DLG2: variants seen among roughly 807,000 people sequenced by gnomAD.
The protein encoded by DLG2 is disks large homolog 2.
Under a neutral mutation model 132.5 loss-of-function variants are expected in DLG2, and 45 were observed. The observed-to-expected ratio is 0.34, with a 90% CI of 0.27 to 0.44. The LOEUF (loss-of-function observed/expected upper bound fraction) is 0.44, where lower values mean the gene tolerates loss of function less well. Among genes scored for constraint, DLG2 ranks in the 20% least tolerant of loss-of-function variants. The probability of loss-of-function intolerance (pLI) is 1.00; values close to 1 mark genes in which losing one functional copy is unlikely to be tolerated. For missense variants in DLG2, 1,045 were observed against 1,196.9 expected (o/e 0.87, Z 1.87); for synonymous variants, 424 against 419.6 (o/e 1.01, Z -0.13).
intron 3 of DLG2, among the ~76,000 whole-genome samples, chr11:85,458,257 C>A (rs2092483618): frequency 6.6e-6 from 1 of 152,044 alleles, no homozygotes; most frequent in African/African-American, 2.4e-5. Context: ...TTATAAAATT[C>A]TTGCAGTATG....
chr11:84,764,729 T>C (rs1287771165), intron 6 of DLG2, among the ~76,000 whole-genome samples: 2 of 152,150 alleles, frequency 1.3e-5, no homozygotes, highest in African/African-American at 4.8e-5. Flanking sequence ...TGGGTATTCA[T>C]TAATTTATTC....
At chr11:85,073,492 A>T (rs1233397960) in intron 6 of DLG2, among the ~76,000 whole-genome samples, 1 of 151,858 alleles carries the variant, frequency 6.6e-6, no homozygotes, top group African/African-American at 2.4e-5. Context: ...AGTTCCTAGT[A>T]ATAAATGGTG....
chr11:84,974,454 C>G (rs571120081), intron 6 of DLG2, among the ~76,000 whole-genome samples: 1 of 152,212 alleles, frequency 6.6e-6, no homozygotes, highest in South Asian at 2.1e-4. Context: ...AATTATAGAG[C>G]CTACCACTGG....
intron 3 of DLG2, among the ~76,000 whole-genome samples, chr11:85,484,178 C>A (rs1199159971): frequency 7.1e-6 from 1 of 140,524 alleles, no homozygotes; most frequent in South Asian, 2.3e-4. Flanking sequence ...AGGATTCAAC[C>A]CGGTGGCGGA....
At chr11:85,302,664 A>AC (rs1401825803) in intron 3 of DLG2, among the ~76,000 whole-genome samples, 56 of 152,028 alleles carry the variant, frequency 3.7e-4, no homozygotes, top group Admixed American at 9.2e-4. Context: ...AAAAAAAAAA[A>AC]ACAGTCAGTT....
In DLG2 at chr11:85,475,012, A is replaced by G. The variant is rs564821869; in HGVS notation, c.40+123645T>C. ...GGTAACAAAGAGTAGAAAATAATAA[A>G]ATTTCTAAAAAGTTACAAAAATTTT... On this transcript the variant is annotated intron_variant, in intron 3 of 27. Transcript: ENST00000376104. 2.0e-3 allele frequency among the ~76,000 whole-genome samples: 307 copies of G among 151,496 alleles called. 2 individuals are homozygous for G. Among genetic ancestry groups the G allele is most frequent in the African/African-American group, 7.0e-3 (292 of 41,548 alleles).
chr11:83,710,306 G>T (rs1022899837), intron 18 of DLG2, among the ~76,000 whole-genome samples: 5 of 152,028 alleles, frequency 3.3e-5, no homozygotes, highest in African/African-American at 1.2e-4. Context: ...TGGACTACAG[G>T]TACCCGCCAC....
At chr11:85,472,830 C>T (rs902811316) in intron 3 of DLG2, among the ~76,000 whole-genome samples, 14 of 152,164 alleles carry the variant, frequency 9.2e-5, no homozygotes, top group Non-Finnish European at 1.5e-4. Context: ...CAGAATCGGG[C>T]GAAGGGACTG....
Position 84,835,218 on chromosome 11 carries a change from T to C in DLG2, c.357+276443A>G, listed in dbSNP as rs539943656. On this transcript the variant is annotated intron_variant, in intron 6 of 27. Transcript: ENST00000376104. ...AAATCCAAGAGGGCAGGGATACTTT[T>C]GTTTTGAAAATTTTTTTAATCTCAG... Among the ~76,000 whole-genome samples the C allele has an allele frequency of 2.8e-4, 42 of 151,806 alleles. 2 individuals carry two copies. In the South Asian group the frequency reaches 8.1e-3, roughly 29 times the overall value.
chr11:85,538,389 G>A (rs186945120), intron 3 of DLG2, among the ~76,000 whole-genome samples: 6 of 151,914 alleles, frequency 3.9e-5, no homozygotes, highest in African/African-American at 1.2e-4. Context: ...TACACTGTTG[G>A]TGGGAATGTA....
chr11:85,602,906 A>G (rs1338001906), intron 2 of DLG2, among the ~76,000 whole-genome samples: 2 of 152,200 alleles, frequency 1.3e-5, no homozygotes, highest in Non-Finnish European at 2.9e-5. Context: ...CTCTGCTTAT[A>G]TATCATCTTA....
chr11:84,809,930 T>C lies in DLG2; in HGVS notation c.358-275199A>G, dbSNP rs546444243. ...AGTGGAACAGAAAAGACATGCCCAA[T>C]TGGCTTTTGACAAGGGTATAAAAGT... On this transcript the variant is annotated intron_variant, in intron 6 of 27. Coordinates refer to ENST00000376104, the MANE Select transcript of DLG2 (RefSeq NM_001142699.3). Among the ~76,000 whole-genome samples, 40 of 152,116 alleles carry C rather than the reference T, an allele frequency of 2.6e-4. 1 individual carries two copies. The highest frequency in any genetic ancestry group is 6.8e-3 in the Middle Eastern group (2 of 294).
chr11:84,212,458 C>A (rs1471436356), intron 8 of DLG2, among the ~76,000 whole-genome samples: 1 of 152,172 alleles, frequency 6.6e-6, no homozygotes, highest in East Asian at 1.9e-4. Context: ...AAATGAATGG[C>A]CTCTAAGTTT....
intron 7 of DLG2, among the ~76,000 whole-genome samples, chr11:84,472,630 G>C (rs2099111335): frequency 6.6e-6 from 1 of 151,844 alleles, no homozygotes. Flanking sequence ...ATCTTATTTA[G>C]ATGTTCACCT....
intron 7 of DLG2, among the ~76,000 whole-genome samples, chr11:84,468,339 A>G (rs1175840367): frequency 6.6e-6 from 1 of 151,356 alleles, no homozygotes; most frequent in Non-Finnish European, 1.5e-5. Context: ...CTAGTTCTGA[A>G]TTTCCCAGAG....
chr11:83,857,410 A>G (rs958381971), intron 16 of DLG2, among the ~76,000 whole-genome samples: 1 of 152,118 alleles, frequency 6.6e-6, no homozygotes. Context: ...GTTGGGAAGT[A>G]TTGCTGTTTT....
At chr11:85,464,550 A>G (rs551796275) in intron 3 of DLG2, among the ~76,000 whole-genome samples, 1 of 152,240 alleles carries the variant, frequency 6.6e-6, no homozygotes, top group South Asian at 2.1e-4. Context: ...AGTCTGAAAG[A>G]TATTTCAAAA....
intron 7 of DLG2, among the ~76,000 whole-genome samples, chr11:84,322,472 A>T (rs906752576): frequency 6.6e-6 from 1 of 152,236 alleles, no homozygotes; most frequent in Non-Finnish European, 1.5e-5. Context: ...TAGATAGTAC[A>T]AAAGAGGGAG....
intron 3 of DLG2, among the ~76,000 whole-genome samples, chr11:85,376,869 A>G (rs1167842306): frequency 1.3e-5 from 2 of 152,188 alleles, no homozygotes; most frequent in African/African-American, 2.4e-5. Flanking sequence ...AGGAGAGGAC[A>G]ACAGGATTAA....
Sources: allele counts gnomAD v4.1 joint callset (sites outside exome capture counted in the v4.1 genomes callset), GRCh38; gene constraint gnomAD v4.1.1; transcripts MANE v1.5; gene names NCBI Gene and HGNC (gene_info 2026-07-23, HGNC 2026-07-21).